The following CACNA1C variants were observed in gnomAD, a reference collection of about 807,000 sequenced individuals.
The protein encoded by CACNA1C is calcium voltage-gated channel subunit alpha1 C.
In CACNA1C, 30 loss-of-function variants were observed where a neutral mutation model predicts 229.0. The observed-to-expected ratio is 0.13, with a 90% confidence interval of 0.10 to 0.18. CACNA1C has a LOEUF of 0.18. Ranked by LOEUF, CACNA1C falls within the 10% of genes least tolerant of loss-of-function variation. The pLI is 1.00. For missense variants in CACNA1C, 1,658 were observed against 2,845.0 expected (o/e 0.58, Z 9.49); for synonymous variants, 1,114 against 1,132.5 (o/e 0.98, Z 0.33).
At chr12:2,116,499 G>A (rs1224348556) in intron 2 of CACNA1C, among the ~76,000 whole-genome samples, 6 of 151,778 alleles carry the variant, frequency 4.0e-5, no homozygotes, top group African/African-American at 1.5e-4. Context: ...CTGTATAGCC[G>A]GGACCACAGG....
Position 2,665,043 on chromosome 12 carries a change from G to A in CACNA1C, c.4398+53G>A, listed in dbSNP as rs1391981873. ...GCAGCCATGACTGCCCAGTTCCAGG[G>A]CAGTCTGAACCGTCCATCTCTGCAG... On this transcript the variant is annotated intron_variant, in intron 35 of 46. Transcript: ENST00000399655. The surrounding 1 kb of genome is among the most constrained non-coding windows in gnomAD (Gnocchi z 5.9). The A allele has an allele frequency of 1.9e-6, 3 of 1,592,888 alleles. No homozygotes were observed. Among genetic ancestry groups the A allele is most frequent in the Non-Finnish European group, 2.6e-6 (3 of 1,162,512 alleles).
At chr12:2,068,061 C>T (rs1323051922) in intron 1 of CACNA1C, among the ~76,000 whole-genome samples, 2 of 152,200 alleles carry the variant, frequency 1.3e-5, no homozygotes, top group Non-Finnish European at 2.9e-5. Flanking sequence ...AAAAATGTTA[C>T]AAACCACTGG....
intron 3 of CACNA1C, among the ~76,000 whole-genome samples, chr12:2,183,970 G>C (rs1379529151): frequency 6.6e-6 from 1 of 152,210 alleles, no homozygotes; most frequent in African/African-American, 2.4e-5. Context: ...GAGACAGAGT[G>C]ATCTGGTATG....
Position 2,646,760 on chromosome 12 carries a change from G to C in CACNA1C, c.3913-1715G>C, listed in dbSNP as rs567656797. Among the ~76,000 whole-genome samples, 2 of 56,822 alleles carry C rather than the reference G, an allele frequency of 3.5e-5. No individual in the cohort carries two copies. The highest frequency in any genetic ancestry group is 6.5e-5 in the Non-Finnish European group (2 of 30,832). The allele number at this position is 56,822 out of a possible 152,430, so 37.3% of individuals were successfully genotyped here. ...TCTGTGCATGCCTGTATGAGAGAGA[G>C]AGAGAGAAAGAGAGAGAGAGAGAGA... is the stretch of plus-strand genomic sequence containing the variant. On this transcript the variant is annotated intron_variant, in intron 30 of 46. Transcript: ENST00000399655. The surrounding 1 kb of genome is among the most constrained non-coding windows in gnomAD (Gnocchi z 4.6).
chr12:2,371,615 C>G (rs1489655106), intron 3 of CACNA1C, among the ~76,000 whole-genome samples: 3 of 151,924 alleles, frequency 2.0e-5, no homozygotes, highest in Non-Finnish European at 4.4e-5. Flanking sequence ...AGAACCATCT[C>G]CTTAGGTCAA....
At chr12:2,164,533 C>T (rs1234803811) in intron 3 of CACNA1C, among the ~76,000 whole-genome samples, 1 of 152,232 alleles carries the variant, frequency 6.6e-6, no homozygotes, top group Non-Finnish European at 1.5e-5. Flanking sequence ...ACCTGTCTCT[C>T]TCTGCTCCCC....
intron 13 of CACNA1C, among the ~76,000 whole-genome samples, chr12:2,569,024 A>G (rs1170270786): frequency 1.3e-5 from 2 of 152,196 alleles, no homozygotes; most frequent in African/African-American, 4.8e-5. Context: ...CTAGCAGGAC[A>G]AGTTCTGCTG....
chr12:2,411,919 G>A (rs1370051081), intron 3 of CACNA1C, among the ~76,000 whole-genome samples: 2 of 152,220 alleles, frequency 1.3e-5, no homozygotes, highest in Admixed American at 6.5e-5. Flanking sequence ...AGGGGAAGGC[G>A]TTTGACTTAG....
At chr12:2,377,469 G>A (rs370994113) in intron 3 of CACNA1C, among the ~76,000 whole-genome samples, 35 of 152,120 alleles carry the variant, frequency 2.3e-4, no homozygotes, top group African/African-American at 7.2e-4. Flanking sequence ...GCCTTACAGC[G>A]GCTATCACAG....
At chr12:2,563,509 C>T (rs1376273384) in intron 11 of CACNA1C, among the ~76,000 whole-genome samples, 1 of 152,176 alleles carries the variant, frequency 6.6e-6, no homozygotes, top group Non-Finnish European at 1.5e-5. Context: ...CAGAACACTG[C>T]CTGGATTAAT....
intron 29 of CACNA1C, among the ~76,000 whole-genome samples, chr12:2,624,924 T>TG (rs2085451369): frequency 6.6e-6 from 1 of 152,234 alleles, no homozygotes; most frequent in South Asian, 2.1e-4. Context: ...CGGCAACTCT[T>TG]GCCCCAGCCT....
intron 3 of CACNA1C, among the ~76,000 whole-genome samples, chr12:2,389,666 G>A (rs1375534166): frequency 6.6e-6 from 1 of 152,114 alleles, no homozygotes; most frequent in African/African-American, 2.4e-5. Context: ...AGACTCCATT[G>A]CCTCCTAATT....
In CACNA1C at chr12:2,442,912, T is replaced by C. The variant is rs147375081; in HGVS notation, c.478-6064T>C. On this transcript the variant is annotated intron_variant, in intron 3 of 46. Coordinates refer to ENST00000399655, the MANE Select transcript of CACNA1C (RefSeq NM_000719.7). ...GCCTTTCATGAGGGATCCATCCTCATCACCCAAACACCTCCAACCCTAGGG... is the reference window on the plus strand; with the variant it reads ...GCCTTTCATGAGGGATCCATCCTCACCACCCAAACACCTCCAACCCTAGGG... Among the ~76,000 whole-genome samples the C allele has an allele frequency of 3.2e-3, 481 of 152,312 alleles. 4 individuals are homozygous for C. The highest frequency in any genetic ancestry group is 0.011 in the African/African-American group (453 of 41,584).
intron 5 of CACNA1C, among the ~76,000 whole-genome samples, chr12:2,478,371 G>C (rs1039168259): frequency 2.0e-5 from 3 of 152,180 alleles, no homozygotes; most frequent in Admixed American, 6.5e-5. Flanking sequence ...GTGCCCTAGG[G>C]CCTGGCTGCT....
At chr12:2,500,397 C>T (rs962353241) in intron 7 of CACNA1C, among the ~76,000 whole-genome samples, 3 of 152,224 alleles carry the variant, frequency 2.0e-5, no homozygotes, top group East Asian at 1.9e-4. Context: ...CTCCAAGGCG[C>T]GTGGGTTTGT....
intron 3 of CACNA1C, among the ~76,000 whole-genome samples, chr12:2,234,083 A>T (rs896199097): frequency 7.2e-5 from 11 of 152,184 alleles, no homozygotes; most frequent in African/African-American, 2.4e-4. Flanking sequence ...ATGGAATAAG[A>T]ATCACTTTCA....
Position 2,255,758 on chromosome 12 carries a change from C to T in CACNA1C, c.477+135328C>T, listed in dbSNP as rs541501960. Among the ~76,000 whole-genome samples the T allele has an allele frequency of 9.2e-5, 14 of 152,314 alleles. No homozygotes were observed. The East Asian group carries it at 2.5e-3, about 27-fold the overall frequency. Reference sequence around the variant, plus strand: ...ATTGTGAGTTAAGCAATATGCTTGGCCCTACGGATATCACATTAAACAAAA... The same window carrying T: ...ATTGTGAGTTAAGCAATATGCTTGGTCCTACGGATATCACATTAAACAAAA... On this transcript the variant is annotated intron_variant, in intron 3 of 46. Transcript: ENST00000399655.
At chr12:2,128,503 C>T (rs140623252) in intron 3 of CACNA1C, among the ~76,000 whole-genome samples, 121 of 152,230 alleles carry the variant, frequency 7.9e-4, no homozygotes, top group Middle Eastern at 3.4e-3. Context: ...CTCCACCTCC[C>T]GGGTTCACGC....
chr12:2,066,549 C>T (rs2059339599), intron 1 of CACNA1C, among the ~76,000 whole-genome samples: 1 of 152,096 alleles, frequency 6.6e-6, no homozygotes. Flanking sequence ...AGAGTGGGTT[C>T]AGAGTGACTG....
Sources: allele counts gnomAD v4.1 joint callset (sites outside exome capture counted in the v4.1 genomes callset), GRCh38; gene constraint gnomAD v4.1.1; non-coding constraint Gnocchi (gnomAD v3.1); transcripts MANE v1.5; gene names NCBI Gene and HGNC (gene_info 2026-07-23, HGNC 2026-07-21).